DDX23: variants seen among roughly 807,000 people sequenced by gnomAD.
DDX23 encodes DEAD-box helicase 23, also known as probable ATP-dependent RNA helicase DDX23.
In DDX23, 33 loss-of-function variants were observed where a neutral mutation model predicts 102.7. That is an observed-to-expected ratio of 0.32 (90% confidence interval 0.24 to 0.43). DDX23 has a LOEUF of 0.43. Among genes scored for constraint, DDX23 ranks in the 20% least tolerant of loss-of-function variants. The pLI is 1.00. For synonymous variants in DDX23, 352 were observed against 376.0 expected, an observed-to-expected ratio of 0.94 and a Z score of 0.74; for missense variants, 549 against 1,086.6, an observed-to-expected ratio of 0.51 and a Z score of 6.96.
chr12:48,840,411 C>T (rs1938531079), intron 3 of DDX23, among the ~76,000 whole-genome samples: 1 of 152,104 alleles, frequency 6.6e-6, no homozygotes, highest in Admixed American at 6.6e-5. Context: ...TGTCTCATGC[C>T]TATAATCCCA....
At position 48,840,037 on chromosome 12, in the gene DDX23, A is replaced by C. The variant is rs758627581; in HGVS notation, c.390T>G (p.Asp130Glu). The change falls in exon 4 of 17, where the codon GAT becomes GAG. Residue 130 changes from aspartate to glutamate, a missense_variant. By Grantham distance (45) the Asp-to-Glu change is conservative (BLOSUM62 2). This residue lies in a region of DDX23 where 241 missense variants were observed against 267.0 expected (regional missense o/e 0.90). Coordinates refer to ENST00000308025, the MANE Select transcript of DDX23 (RefSeq NM_004818.3). The stretch of plus-strand genomic sequence containing the variant: ...CCTTAGGCTTCTTATCACCATGTTC[A>C]TCCTCTTCATCCTTCTTAGAGTCTC... Reference protein sequence around the residue: ...KDRDSKKDEEDEHGDKKPKAQ... With the variant: ...KDRDSKKDEEEEHGDKKPKAQ... The C allele has an allele frequency of 6.2e-7, 1 of 1,614,150 alleles. No homozygotes were observed. Among genetic ancestry groups the C allele is most frequent in the Non-Finnish European group, 8.5e-7 (1 of 1,179,984 alleles).
chr12:48,830,481 G>A lies in DDX23; in HGVS notation c.2451C>T (p.Thr817=), dbSNP rs1454612784. The part of the protein sequence containing the change: ...TILTKKRREE[T]IFA ...GAAGAGTGCTGTGTCAGGCAAAGAT[G>A]GTCTCTTCCCGGCGCTTCTTGGTGA... Residue 817 remains threonine, a synonymous_variant, in exon 17 of 17, where the codon ACC becomes ACT. Coordinates refer to ENST00000308025, the MANE Select transcript of DDX23 (RefSeq NM_004818.3). This position sits in a 1 kb window ranked among gnomAD's most constrained non-coding sequence, Gnocchi z 4.9. 1 of 1,613,998 alleles carries A rather than the reference G, an allele frequency of 6.2e-7. No individual in the cohort carries two copies. Among genetic ancestry groups the A allele is most frequent in the Admixed American group, 1.7e-5 (1 of 60,008 alleles).
chr12:48,842,257 A>G (rs184487857), intron 3 of DDX23, among the ~76,000 whole-genome samples: 619 of 80,328 alleles, frequency 7.7e-3, no homozygotes, highest in Admixed American at 0.011. Context: ...CCAGCCGCCC[A>G]TCCGGGAGGG....
rs774774357 is a variant in DDX23, at chr12:48,837,986, C to T, written c.575G>A (p.Arg192Lys). Reference protein sequence around the residue: ...EERQRMLEEERKKRKQFQDLG... With the variant: ...EERQRMLEEEKKKRKQFQDLG... The stretch of plus-strand genomic sequence containing the variant: ...GTCTTGGAACTGTTTCCTTTTCTTC[C>T]TCTCTTCTTCAAGCATCCTCTGCCG... Residue 192 changes from arginine to lysine, a missense_variant, in exon 6 of 17, where the codon AGG becomes AAG. Arg to Lys is a conservative substitution (Grantham distance 26). Around this residue, in one of 4 missense-constraint regions of DDX23, gnomAD observed 241 missense variants for 267.0 expected, o/e 0.90. Coordinates refer to ENST00000308025, the MANE Select transcript of DDX23 (RefSeq NM_004818.3). 1.9e-5 allele frequency: 30 copies of T among 1,613,786 alleles called. No individual in the cohort carries two copies. The highest frequency in any genetic ancestry group is 3.4e-4 in the Middle Eastern group (2 of 5,868).
chr12:48,851,808 G>A (rs1938764310), intron 1 of DDX23, among the ~76,000 whole-genome samples: 1 of 152,224 alleles, frequency 6.6e-6, no homozygotes, highest in Non-Finnish European at 1.5e-5. Context: ...AAGCATGAAA[G>A]AATAAGGTCA....
rs116954848 is a variant in DDX23 at position 48,833,789 on chromosome 12, C to A, written c.1561-270G>T. ...AGAAACTTTTTTTTTTTTGGCAAAT[C>A]ATTTCAGATCCTGAAGAAGGAACTT... On this transcript the variant is annotated intron_variant, in intron 12 of 16. Coordinates refer to ENST00000308025, the MANE Select transcript of DDX23 (RefSeq NM_004818.3). 3.2e-4 allele frequency among the ~76,000 whole-genome samples: 48 copies of A among 151,408 alleles called. No homozygotes were observed. The East Asian group carries it at 8.1e-3, about 26-fold the overall frequency.
chr12:48,845,657 T>C lies in DDX23; in HGVS notation c.126A>G (p.Lys42=). The change falls in exon 2 of 17, where the codon AAA becomes AAG. Residue 42 remains lysine (K), a synonymous_variant. Coordinates refer to ENST00000308025, the MANE Select transcript of DDX23 (RefSeq NM_004818.3). The part of the protein sequence containing the change: ...RDRDRKSSPS[K]DRKRHRSRDR... ...CCCTTGAACGATGCCGCTTTCTATC[T>C]TTAGATGGGGAAGACTTCCGGTCCC... is the stretch of plus-strand genomic sequence containing the variant. The C allele has an allele frequency of 6.2e-7, 1 of 1,614,242 alleles. No homozygotes were observed. Among genetic ancestry groups the C allele is most frequent in the South Asian group, 1.1e-5 (1 of 91,090 alleles).
chr12:48,832,983 ACTTTT>A lies in DDX23; in HGVS notation c.1803+289_1803+293del, dbSNP rs899404252. 2.1e-6 allele frequency: 1 copy of A among 472,082 alleles called. No homozygotes were observed. The highest frequency in any genetic ancestry group is 3.8e-6 in the Non-Finnish European group (1 of 263,574). The allele number at this position is 472,082 out of a possible 1,614,324, so 29.2% of individuals were successfully genotyped here. On this transcript the variant is annotated intron_variant, in intron 13 of 16. Transcript: ENST00000308025. The surrounding 1 kb of genome is among the most constrained non-coding windows in gnomAD (Gnocchi z 4.4). ...AAAAGGAGGTTGGCAACCTTGTACAACTTTTCTTTTTTTTTGAGACAGGGCCTCAC... is the reference window on the plus strand; with the variant it reads ...AAAAGGAGGTTGGCAACCTTGTACAACTTTTTTTTTGAGACAGGGCCTCAC...
chr12:48,845,154 T>TAAA (rs60186795), intron 2 of DDX23, among the ~76,000 whole-genome samples: 5 of 131,142 alleles, frequency 3.8e-5, no homozygotes, highest in Non-Finnish European at 3.2e-5. Context: ...CTCCATCTTT[T>TAAA]AAAAAAAAAA....
At position 48,836,031 on chromosome 12, in the gene DDX23, T is replaced by C. The variant is rs747682786; in HGVS notation, c.1382+90A>G. 59 of 1,397,236 alleles carry C rather than the reference T, an allele frequency of 4.2e-5. No homozygotes were observed. In the African/African-American group the frequency reaches 5.8e-4, roughly 14 times the overall value. 86.6% of individuals were successfully genotyped at this position (1,397,236 alleles called of 1,614,324 possible). On this transcript the variant is annotated intron_variant, in intron 11 of 16. Transcript: ENST00000308025. The surrounding 1 kb of genome is among the most constrained non-coding windows in gnomAD (Gnocchi z 6.1). ...GAATAAAGAAGAAAGCTTCTGATTA[T>C]AGACGTAAAACAAAAATCAAACATT...
intron 8 of DDX23, 30 bp downstream of exon 8, chr12:48,837,251 G>T (rs1203495755): frequency 1.2e-6 from 2 of 1,606,020 alleles, no homozygotes; most frequent in South Asian, 2.2e-5. Context: ...TAGTGGAAAA[G>T]ACCTAGAACT....
Position 48,841,989 on chromosome 12 carries a change from C to T in DDX23, c.321-1883G>A, listed in dbSNP as rs1205731896. Among the ~76,000 whole-genome samples the T allele has an allele frequency of 2.6e-5, 4 of 151,402 alleles. 1 individual carries two copies. Among genetic ancestry groups the T allele is most frequent in the African/African-American group, 9.7e-5 (4 of 41,176 alleles). On this transcript the variant is annotated intron_variant, in intron 3 of 16. Coordinates refer to ENST00000308025, the MANE Select transcript of DDX23 (RefSeq NM_004818.3). ...CTGGGATGTGAGGAGCGTCTCTGCCCGGCCGCCCCGTCTGAGAAGTGAGGA... is the reference window on the plus strand; with the variant it reads ...CTGGGATGTGAGGAGCGTCTCTGCCTGGCCGCCCCGTCTGAGAAGTGAGGA...
rs1397889337 is a variant in DDX23, at chr12:48,844,021, T to C, written c.239A>G (p.Asp80Gly). ...CTTCTTATTCCGATCCCGCTCCTTA[T>C]CTCGTTCTCGTTCTTTGTGCCGTCG... ...RERRHKERER[D>G]KERDRNKKDR... Residue 80 changes from aspartate (D) to glycine (G), a missense_variant, in exon 3 of 17, where the codon GAT becomes GGT. Asp to Gly is a moderately conservative substitution (Grantham distance 94). This residue lies in a region of DDX23 where 241 missense variants were observed against 267.0 expected (regional missense o/e 0.90). Coordinates refer to ENST00000308025, the MANE Select transcript of DDX23 (RefSeq NM_004818.3). The C allele has an allele frequency of 6.2e-7, 1 of 1,614,172 alleles. No homozygotes were observed. The highest frequency in any genetic ancestry group is 1.3e-5 in the African/African-American group (1 of 75,032).
At position 48,830,731 on chromosome 12, in the gene DDX23, T is replaced by G. The variant is rs376711639; in HGVS notation, c.2240-39A>C. On this transcript the variant is annotated intron_variant, in intron 16 of 16. Coordinates refer to ENST00000308025, the MANE Select transcript of DDX23 (RefSeq NM_004818.3). The surrounding 1 kb of genome is among the most constrained non-coding windows in gnomAD (Gnocchi z 4.9). ...AGAACGTCACTCAGCATAGCCCAGA[T>G]GCCCTGGGGAGCCGTGTCTGATGCC... The G allele has an allele frequency of 5.2e-4, 812 of 1,551,566 alleles. No homozygotes were observed. The highest frequency in any genetic ancestry group is 7.0e-4 in the Non-Finnish European group (798 of 1,146,594).
chr12:48,845,560 CAA>C lies in DDX23; in HGVS notation c.209+12_209+13del. 1.2e-6 allele frequency: 2 copies of C among 1,614,070 alleles called. No homozygotes were observed. The highest frequency in any genetic ancestry group is 4.5e-5 in the East Asian group (2 of 44,884). On this transcript the variant is annotated intron_variant, in intron 2 of 16. Transcript: ENST00000308025. ...CTCTCCCTTCCCATGTAATAACATA[CAA>C]AGTTACTTTACCTTTCTGCAGATTT...
intron 15 of DDX23, chr12:48,831,757 G>T: frequency 2.2e-6 from 1 of 451,832 alleles, no homozygotes; most frequent in Admixed American, 3.8e-5. Context: ...TCCTCTCAAC[G>T]TACCTAAGCA....
chr12:48,834,569 A>G, intron 11 of DDX23, 72 bp from the exon 12 acceptor site: 1 of 1,456,522 alleles, frequency 6.9e-7, no homozygotes, highest in Non-Finnish European at 9.4e-7. Context: ...GAGCAAGACA[A>G]AGTCACTCTT....
At chr12:48,833,703 T>C (rs1243637395) in intron 12 of DDX23, 184 bp from the exon 13 acceptor site, 2 of 735,440 alleles carry the variant, frequency 2.7e-6, no homozygotes, top group African/African-American at 3.5e-5. Flanking sequence ...CTGGATTTTC[T>C]CAGGAATGAA....
In DDX23 at chr12:48,831,261, A is replaced by T; in HGVS notation, c.2120T>A (p.Leu707Ter). ...GKGQEQREFA[L>*]SNLKAGAKDI... ...CTTGGCCCCAGCCTTGAGGTTGGAC[A>T]ACGCAAACTCTCGCTGCTCCTGGCC... Residue 707 changes from leucine (L) to a stop codon, truncating the protein, a stop_gained, in exon 16 of 17, where the codon TTG becomes TAG. Coordinates refer to ENST00000308025, the MANE Select transcript of DDX23 (RefSeq NM_004818.3). LOFTEE classifies it high-confidence loss of function. 1 of 1,614,218 alleles carries T rather than the reference A, an allele frequency of 6.2e-7. No individual in the cohort carries two copies. Among genetic ancestry groups the T allele is most frequent in the Non-Finnish European group, 8.5e-7 (1 of 1,180,032 alleles).
Sources: gnomAD v4.1 joint callset for allele counts (sites outside exome capture counted in the v4.1 genomes callset) on GRCh38, gnomAD v4.1.1 for gene constraint, gnomAD v4.1.1 regional missense constraint, Gnocchi (gnomAD v3.1) non-coding constraint, MANE v1.5 for transcripts, NCBI Gene and HGNC (gene_info 2026-07-23, HGNC 2026-07-21) for gene names.